RPTOR: variants seen among roughly 807,000 people sequenced by gnomAD.
The protein encoded by RPTOR is regulatory-associated protein of mTOR.
Under a neutral mutation model 169.9 loss-of-function variants are expected in RPTOR, and 21 were observed. That is an observed-to-expected ratio of 0.12 (90% CI 0.09 to 0.18). The LOEUF (loss-of-function observed/expected upper bound fraction) is 0.18, where lower values mean the gene tolerates loss of function less well. Among genes scored for constraint, RPTOR ranks in the 10% least tolerant of loss-of-function variants. The probability of loss-of-function intolerance (pLI) is 1.00; values close to 1 mark genes in which losing one functional copy is unlikely to be tolerated. For missense variants in RPTOR, 1,133 were observed against 1,855.9 expected, an observed-to-expected ratio of 0.61 and a Z score of 7.16; for synonymous variants, 732 against 753.2, an observed-to-expected ratio of 0.97 and a Z score of 0.46.
At chr17:80,780,183 C>T (rs369565617) in intron 6 of RPTOR, among the ~76,000 whole-genome samples, 33 of 152,268 alleles carry the variant, frequency 2.2e-4, no homozygotes, top group African/African-American at 6.3e-4. Flanking sequence ...TCTTATCAGA[C>T]GACTTAATTG....
At chr17:80,580,567 G>T (rs2065005446) in intron 1 of RPTOR, among the ~76,000 whole-genome samples, 1 of 152,154 alleles carries the variant, frequency 6.6e-6, no homozygotes, top group African/African-American at 2.4e-5. Context: ...ATGTTTAATT[G>T]TTTATGCCCT....
At chr17:80,951,553 A>G (rs1359192798) in intron 28 of RPTOR, among the ~76,000 whole-genome samples, 1 of 152,188 alleles carries the variant, frequency 6.6e-6, no homozygotes, top group Non-Finnish European at 1.5e-5. Context: ...CACCAGGCAC[A>G]GCTCTGGGCT....
chr17:80,822,156 C>T (rs772967251), intron 7 of RPTOR, 45 bp from the exon 8 acceptor site: 8 of 1,579,288 alleles, frequency 5.1e-6, no homozygotes, highest in Admixed American at 5.0e-5. Flanking sequence ...ATTCCCTGCT[C>T]TCAGAGCTGT....
chr17:80,848,119 T>A (rs1161615327), intron 11 of RPTOR, among the ~76,000 whole-genome samples: 1 of 152,202 alleles, frequency 6.6e-6, no homozygotes, highest in African/African-American at 2.4e-5. Flanking sequence ...ACCGCCGGCC[T>A]GTCCTCGCCG....
intron 24 of RPTOR, among the ~76,000 whole-genome samples, chr17:80,940,037 C>T (rs2069004291): frequency 6.6e-6 from 1 of 152,210 alleles, no homozygotes; most frequent in South Asian, 2.1e-4. Flanking sequence ...GGACCCACAA[C>T]AGCCCGTGCC....
chr17:80,764,406 G>A (rs1191163686), intron 6 of RPTOR, among the ~76,000 whole-genome samples: 1 of 148,528 alleles, frequency 6.7e-6, no homozygotes, highest in Non-Finnish European at 1.5e-5. Context: ...GTGAGAACAT[G>A]CAGTGTTTGG....
chr17:80,767,402 G>A (rs2066798909), intron 6 of RPTOR, among the ~76,000 whole-genome samples: 1 of 151,396 alleles, frequency 6.6e-6, no homozygotes, highest in South Asian at 2.1e-4. Context: ...AATAAAAGGA[G>A]AATAAGGGAA....
chr17:80,952,852 CTTCTTTTT>C (rs1393059752), intron 28 of RPTOR, among the ~76,000 whole-genome samples: 1 of 126,712 alleles, frequency 7.9e-6, no homozygotes, highest in African/African-American at 3.1e-5. Flanking sequence ...TTTTTCTTTT[CTTCTTTTT>C]TTTTTTTTTT....
At chr17:80,733,977 T>C (rs1433936873) in intron 5 of RPTOR, among the ~76,000 whole-genome samples, 2 of 152,242 alleles carry the variant, frequency 1.3e-5, no homozygotes, top group Non-Finnish European at 2.9e-5. Context: ...GCTTCTGTTA[T>C]CTGCACTTTC....
chr17:80,848,925 C>T (rs531901049), intron 11 of RPTOR, among the ~76,000 whole-genome samples: 64 of 152,310 alleles, frequency 4.2e-4, no homozygotes, highest in African/African-American at 1.4e-3. Flanking sequence ...CAGCTCTGGT[C>T]GGAGCGTGGG....
At chr17:80,911,307 G>C (rs909036956) in intron 21 of RPTOR, among the ~76,000 whole-genome samples, 3 of 152,200 alleles carry the variant, frequency 2.0e-5, no homozygotes, top group African/African-American at 7.2e-5. Flanking sequence ...GGTGTGGCCA[G>C]CTGCACGGGC....
At chr17:80,791,323 T>C in intron 6 of RPTOR, 127 bp from the exon 7 acceptor site, 1 of 685,004 alleles carries the variant, frequency 1.5e-6, no homozygotes, top group East Asian at 2.9e-5. Context: ...TAAGGAAATC[T>C]GAGTGTACTT....
At position 80,602,461 on chromosome 17, in the gene RPTOR, G is replaced by A. The variant is rs1189325715; in HGVS notation, c.163-23230G>A. On this transcript the variant is annotated intron_variant, in intron 1 of 33. Transcript: ENST00000306801. ...TCCCTCGCGGACGGGGCGGCTGGCC[G>A]GGCAGAGGGGCTGGTTCAGTTTTCT... 1.2e-4 allele frequency: 16 copies of A among 131,764 alleles called. 4 individuals are homozygous for A. The highest frequency in any genetic ancestry group is 4.1e-4 in the African/African-American group (3 of 7,328). The allele number at this position is 131,764 out of a possible 1,614,324, so 8.2% of individuals were successfully genotyped here.
chr17:80,725,687 C>T (rs2066326177), intron 4 of RPTOR, among the ~76,000 whole-genome samples: 7 of 152,134 alleles, frequency 4.6e-5, no homozygotes, highest in Admixed American at 4.6e-4. Context: ...ATAATTCTGG[C>T]CTGGAGCTTG....
chr17:80,791,515 T>C lies in RPTOR; in HGVS notation c.890+6T>C. On this transcript the variant is annotated splice_donor_region_variant and intron_variant, in intron 7 of 33. Coordinates refer to ENST00000306801, the MANE Select transcript of RPTOR (RefSeq NM_020761.3). The stretch of plus-strand genomic sequence containing the variant: ...ACACTGGATTTGATAGAAAAGTAAG[T>C]AGGATTTTTAAGCTCTTGTGGCTCT... The C allele has an allele frequency of 6.2e-7, 1 of 1,612,876 alleles. No individual in the cohort carries two copies. The highest frequency in any genetic ancestry group is 8.5e-7 in the Non-Finnish European group (1 of 1,179,562).
At chr17:80,759,603 G>T (rs1369756148) in intron 6 of RPTOR, among the ~76,000 whole-genome samples, 3 of 152,026 alleles carry the variant, frequency 2.0e-5, no homozygotes, top group Non-Finnish European at 4.4e-5. Flanking sequence ...CCTGTGAGTG[G>T]TAATGGACTA....
intron 5 of RPTOR, among the ~76,000 whole-genome samples, chr17:80,731,076 G>T (rs1022440541): frequency 6.6e-6 from 1 of 151,922 alleles, no homozygotes; most frequent in Non-Finnish European, 1.5e-5. Flanking sequence ...GTGGTGTTTC[G>T]CCATGTTTCT....
intron 6 of RPTOR, among the ~76,000 whole-genome samples, chr17:80,773,112 G>A (rs1203003157): frequency 1.4e-5 from 2 of 146,948 alleles, no homozygotes; most frequent in Non-Finnish European, 3.0e-5. Flanking sequence ...TTGTTCCTGG[G>A]TCTCTCCCAC....
chr17:80,724,255 TG>T (rs1357057169), intron 4 of RPTOR, among the ~76,000 whole-genome samples: 3 of 150,944 alleles, frequency 2.0e-5, no homozygotes, highest in Non-Finnish European at 4.4e-5. Flanking sequence ...TCCTGTTAAG[TG>T]AGAAGCCAGG....
Sources: gnomAD v4.1 joint callset for allele counts (sites outside exome capture counted in the v4.1 genomes callset) on GRCh38, gnomAD v4.1.1 for gene constraint, MANE v1.5 for transcripts, NCBI Gene and HGNC (gene_info 2026-07-23, HGNC 2026-07-21) for gene names.